CNTN5: variants seen among roughly 807,000 people sequenced by gnomAD.
The protein encoded by CNTN5 is contactin 5.
In CNTN5, 77 loss-of-function variants were observed where a neutral mutation model predicts 129.1. The ratio of observed to expected loss-of-function variants is 0.60; its 90% CI spans 0.50 to 0.72. CNTN5 has a LOEUF of 0.72. CNTN5 is among the 30% of genes least tolerant of loss of function. CNTN5 has a pLI of 0.00. For synonymous variants in CNTN5, 509 were observed against 465.6 expected (o/e 1.09, Z -1.20); for missense variants, 1,478 against 1,328.8 (o/e 1.11, Z -1.75).
intron 10 of CNTN5, among the ~76,000 whole-genome samples, chr11:100,065,140 T>C (rs1943648985): frequency 6.6e-6 from 1 of 152,076 alleles, no homozygotes; most frequent in African/African-American, 2.4e-5. Context: ...GTACTAAATA[T>C]CCAGTAAAGG....
At chr11:99,707,352 TA>T (rs1283777232) in intron 3 of CNTN5, among the ~76,000 whole-genome samples, 3 of 151,596 alleles carry the variant, frequency 2.0e-5, no homozygotes, top group East Asian at 2.0e-4. Flanking sequence ...TAAACTAACC[TA>T]AAAAAATAAT....
chr11:99,457,761 A>G (rs1424655205), intron 2 of CNTN5, among the ~76,000 whole-genome samples: 2 of 151,732 alleles, frequency 1.3e-5, no homozygotes, highest in African/African-American at 2.4e-5. Flanking sequence ...AATATGGCCA[A>G]TGGAATTCAA....
At chr11:99,980,145 T>G (rs947277201) in intron 8 of CNTN5, among the ~76,000 whole-genome samples, 8 of 152,152 alleles carry the variant, frequency 5.3e-5, no homozygotes, top group Admixed American at 4.6e-4. Context: ...CTTAAGAAAG[T>G]TTTTGAAAAG....
At chr11:99,500,534 T>C (rs1946388224) in intron 2 of CNTN5, among the ~76,000 whole-genome samples, 1 of 152,154 alleles carries the variant, frequency 6.6e-6, no homozygotes, top group Non-Finnish European at 1.5e-5. Context: ...CTTTCTTTTC[T>C]TTTTTCTTTC....
intron 6 of CNTN5, among the ~76,000 whole-genome samples, chr11:99,893,644 A>T (rs1949123760): frequency 1.3e-5 from 2 of 152,114 alleles, no homozygotes; most frequent in East Asian, 3.9e-4. Context: ...AAGAAAAAAA[A>T]TCAGATCCTT....
chr11:99,806,328 TA>T (rs1233189060), intron 3 of CNTN5, among the ~76,000 whole-genome samples: 3 of 152,032 alleles, frequency 2.0e-5, no homozygotes, highest in Non-Finnish European at 4.4e-5. Flanking sequence ...CCTTATCCCC[TA>T]AAAAAATAAA....
chr11:99,266,730 A>AT (rs1274764481), intron 1 of CNTN5, among the ~76,000 whole-genome samples: 2 of 152,096 alleles, frequency 1.3e-5, no homozygotes, highest in Non-Finnish European at 2.9e-5. Context: ...AGCCTATGCC[A>AT]TTTTTTATAA....
At chr11:100,083,995 A>C (rs1439700370) in intron 13 of CNTN5, among the ~76,000 whole-genome samples, 1 of 151,918 alleles carries the variant, frequency 6.6e-6, no homozygotes, top group Non-Finnish European at 1.5e-5. Context: ...TTAAGCTGTA[A>C]ATGACAACAG....
At chr11:99,239,967 G>A (rs916751495) in intron 1 of CNTN5, among the ~76,000 whole-genome samples, 3 of 151,650 alleles carry the variant, frequency 2.0e-5, no homozygotes, top group Non-Finnish European at 2.9e-5. Flanking sequence ...TTTAAAAAGC[G>A]AGTAGTCCTC....
At chr11:99,597,367 C>G (rs1029681241) in intron 3 of CNTN5, among the ~76,000 whole-genome samples, 1 of 152,068 alleles carries the variant, frequency 6.6e-6, no homozygotes, top group Non-Finnish European at 1.5e-5. Flanking sequence ...TGAGTAGTCT[C>G]TAGTAGAATA....
At chr11:99,078,623 A>T (rs1026968061) in intron 1 of CNTN5, among the ~76,000 whole-genome samples, 11 of 152,226 alleles carry the variant, frequency 7.2e-5, no homozygotes, top group African/African-American at 2.4e-4. Flanking sequence ...AAAGGTTAAC[A>T]TTCTGTCATT....
At chr11:99,492,561 T>C (rs531196926) in intron 2 of CNTN5, among the ~76,000 whole-genome samples, 1 of 152,292 alleles carries the variant, frequency 6.6e-6, no homozygotes, top group South Asian at 2.1e-4. Flanking sequence ...ATCTAGTTTA[T>C]TATTACTATT....
intron 1 of CNTN5, among the ~76,000 whole-genome samples, chr11:99,121,141 T>TCTTTCTTTC (rs1565333694): frequency 1.3e-4 from 19 of 146,894 alleles, no homozygotes; most frequent in South Asian, 4.4e-4. Context: ...CTTTCTTTTT[T>TCTTTCTTTC]TTTTTTTTTT....
chr11:99,053,778 G>A (rs1864520749), intron 1 of CNTN5, among the ~76,000 whole-genome samples: 1 of 151,966 alleles, frequency 6.6e-6, no homozygotes, highest in Admixed American at 6.6e-5. Flanking sequence ...TTAGGCTTAA[G>A]TTGTGATTTG....
intron 1 of CNTN5, among the ~76,000 whole-genome samples, chr11:99,208,926 T>C (rs76264325): frequency 0.014 from 2,093 of 152,210 alleles, 50 homozygotes; most frequent in African/African-American, 0.048. Flanking sequence ...ATTAAATTAC[T>C]ATTTATTGAG....
At position 99,821,859 on chromosome 11, in the gene CNTN5, T is replaced by G. The variant is rs544253151; in HGVS notation, c.277+2094T>G. On this transcript the variant is annotated intron_variant, in intron 4 of 24. Transcript: ENST00000524871. ...GCAAGGCTCTAGGCTGGTAACCAAT[T>G]TAATATCATTTGGTCCTCTGCTAAT... Among the ~76,000 whole-genome samples, 9 of 152,286 alleles carry G rather than the reference T, an allele frequency of 5.9e-5. No individual in the cohort carries two copies. In the South Asian group the frequency reaches 1.9e-3, roughly 32 times the overall value.
intron 1 of CNTN5, among the ~76,000 whole-genome samples, chr11:99,142,067 G>A (rs1159814909): frequency 1.3e-5 from 2 of 152,128 alleles, no homozygotes; most frequent in African/African-American, 4.8e-5. Context: ...GCTTCTCGAT[G>A]ATTTCAAGGG....
At chr11:99,741,547 C>T (rs1943888304) in intron 3 of CNTN5, among the ~76,000 whole-genome samples, 1 of 152,084 alleles carries the variant, frequency 6.6e-6, no homozygotes, top group Non-Finnish European at 1.5e-5. Context: ...ACCTTACTGA[C>T]ATCAGTAAGC....
chr11:99,811,363 A>T (rs532737662), intron 3 of CNTN5, among the ~76,000 whole-genome samples: 1 of 151,532 alleles, frequency 6.6e-6, no homozygotes. Flanking sequence ...ATATATTTTT[A>T]TCATATTGAC....
Sources: gnomAD v4.1 joint callset for allele counts (sites outside exome capture counted in the v4.1 genomes callset) on GRCh38, gnomAD v4.1.1 for gene constraint, MANE v1.5 for transcripts, NCBI Gene and HGNC (gene_info 2026-07-23, HGNC 2026-07-21) for gene names.